EVI5: variants seen among roughly 807,000 people sequenced by gnomAD.
The protein encoded by EVI5 is ecotropic viral integration site 5, also known as ecotropic viral integration site 5 protein homolog.
Under a neutral mutation model 112.0 loss-of-function variants are expected in EVI5, and 73 were observed. The ratio of observed to expected loss-of-function variants is 0.65; its 90% confidence interval spans 0.54 to 0.79. EVI5 has a LOEUF of 0.79. Ranked by LOEUF, EVI5 falls within the 30% of genes least tolerant of loss-of-function variation. The pLI is 0.00. For missense variants in EVI5, 900 were observed against 968.8 expected (o/e 0.93, Z 0.94); for synonymous variants, 305 against 319.9 (o/e 0.95, Z 0.50).
chr1:92,660,255 T>C (rs941886851), intron 13 of EVI5, among the ~76,000 whole-genome samples: 2 of 152,006 alleles, frequency 1.3e-5, no homozygotes, highest in Non-Finnish European at 2.9e-5. Context: ...TTTTAAAAAA[T>C]GAAATTGTCA....
chr1:92,776,796 C>G lies in EVI5; in HGVS notation c.-82+8040G>C, dbSNP rs1343963814. ...GACTACAGGTGCACACCACCATAGCCAGCTAACTTTTTTTTTTTTTTTTTT... is the reference window on the plus strand; with the variant it reads ...GACTACAGGTGCACACCACCATAGCGAGCTAACTTTTTTTTTTTTTTTTTT... On this transcript the variant is annotated intron_variant, in intron 1 of 19. Transcript: ENST00000684568. Among the ~76,000 whole-genome samples the G allele has an allele frequency of 2.0e-5, 3 of 149,264 alleles. No homozygotes were observed. In the East Asian group the frequency reaches 5.8e-4, roughly 29 times the overall value.
chr1:92,589,587 G>C (rs191412569), intron 18 of EVI5, among the ~76,000 whole-genome samples: 129 of 152,284 alleles, frequency 8.5e-4, no homozygotes, highest in African/African-American at 2.9e-3. Flanking sequence ...TGCCACTGCC[G>C]AGGCTTGAGT....
intron 18 of EVI5, among the ~76,000 whole-genome samples, chr1:92,587,803 C>T (rs1673052530): frequency 6.6e-6 from 1 of 152,178 alleles, no homozygotes; most frequent in Non-Finnish European, 1.5e-5. Context: ...AAATGAAAAA[C>T]TTTCCATTAC....
chr1:92,592,861 C>G (rs1039529060), intron 18 of EVI5, among the ~76,000 whole-genome samples: 1 of 152,214 alleles, frequency 6.6e-6, no homozygotes, highest in Non-Finnish European at 1.5e-5. Flanking sequence ...CCTCCCAAGA[C>G]TAAACCAGGA....
chr1:92,613,802 G>A (rs761875564), intron 16 of EVI5, among the ~76,000 whole-genome samples: 3 of 151,942 alleles, frequency 2.0e-5, no homozygotes, highest in Non-Finnish European at 4.4e-5. Flanking sequence ...TGTTGCCCAG[G>A]CTAGTCTCAA....
At chr1:92,614,283 A>G (rs944063063) in intron 16 of EVI5, among the ~76,000 whole-genome samples, 1 of 152,222 alleles carries the variant, frequency 6.6e-6, no homozygotes, top group African/African-American at 2.4e-5. Context: ...CCAGCTTTCA[A>G]CAAAAAAATT....
At chr1:92,532,181 A>G (rs1301747362) in intron 19 of EVI5, among the ~76,000 whole-genome samples, 3 of 152,204 alleles carry the variant, frequency 2.0e-5, no homozygotes, top group Non-Finnish European at 4.4e-5. Flanking sequence ...AGATCAAGAG[A>G]CAAAGAAAGG....
At chr1:92,640,778 A>G (rs1659805872) in intron 13 of EVI5, among the ~76,000 whole-genome samples, 1 of 152,204 alleles carries the variant, frequency 6.6e-6, no homozygotes, top group Admixed American at 6.5e-5. Context: ...ACACATACAT[A>G]CATATGTTTA....
intron 19 of EVI5, among the ~76,000 whole-genome samples, chr1:92,519,943 A>T (rs1269442745): frequency 6.6e-6 from 1 of 151,824 alleles, no homozygotes. Flanking sequence ...GAAAGACACA[A>T]GAGACAATAT....
At chr1:92,591,995 G>A (rs909740846) in intron 18 of EVI5, among the ~76,000 whole-genome samples, 11 of 152,322 alleles carry the variant, frequency 7.2e-5, no homozygotes, top group African/African-American at 2.6e-4. Flanking sequence ...TGTAATCCCA[G>A]CACTTTGGGA....
chr1:92,624,187 T>C lies in EVI5; in HGVS notation c.1816A>G (p.Met606Val), dbSNP rs201600690. 7 of 1,613,526 alleles carry C rather than the reference T, an allele frequency of 4.3e-6. No individual in the cohort carries two copies. In the Admixed American group the frequency reaches 6.7e-5, roughly 15 times the overall value. Residue 606 changes from methionine to valine, a missense_variant, in exon 16 of 20, where the codon ATG becomes GTG. Transcript: ENST00000684568. Reference protein sequence around the residue: ...IREIKQRMMEMETQNQINSNH... With the variant: ...IREIKQRMMEVETQNQINSNH... The stretch of plus-strand genomic sequence containing the variant: ...CTTTCCCATCATACCTGTGTTTCCA[T>C]TTCCATCATCCTTTGTTTTATTTCT...
At chr1:92,742,757 T>C (rs527344231) in intron 1 of EVI5, among the ~76,000 whole-genome samples, 2 of 152,190 alleles carry the variant, frequency 1.3e-5, no homozygotes, top group African/African-American at 4.8e-5. Flanking sequence ...TTTTGATGGC[T>C]ATTATCAAAA....
rs534682427 is a variant in EVI5 at position 92,509,780 on chromosome 1, G to C, written c.*3876C>G. ...CTCTACTCTCAGCTTGTCAACCCAG[G>C]ATGGCAATGACACCAGGAAGGTAAC... On this transcript the variant is annotated 3_prime_UTR_variant, in exon 20 of 20. Coordinates refer to ENST00000684568, the MANE Select transcript of EVI5 (RefSeq NM_001350197.2). 2.0e-5 allele frequency: 3 copies of C among 152,222 alleles called. No homozygotes were observed. In the East Asian group the frequency reaches 5.8e-4, roughly 29 times the overall value. 9.4% of individuals were successfully genotyped at this position (152,222 alleles called of 1,614,324 possible). A position where few individuals can be genotyped will look rare whatever the true frequency, so the allele number is the denominator to read the frequency against.
At chr1:92,636,509 A>T (rs1234824690) in intron 13 of EVI5, among the ~76,000 whole-genome samples, 173 bp from the exon 14 acceptor site, 2 of 152,232 alleles carry the variant, frequency 1.3e-5, no homozygotes, top group African/African-American at 2.4e-5. Context: ...TCCAATGAGT[A>T]AAAAAGCCCA....
chr1:92,684,231 G>C (rs1179298448), intron 9 of EVI5, among the ~76,000 whole-genome samples: 1 of 152,146 alleles, frequency 6.6e-6, no homozygotes, highest in Non-Finnish European at 1.5e-5. Context: ...AGCCAGAAGA[G>C]ATTGGGGGCC....
intron 2 of EVI5, among the ~76,000 whole-genome samples, chr1:92,709,852 A>G (rs1403457504): frequency 6.6e-6 from 1 of 152,098 alleles, no homozygotes; most frequent in Non-Finnish European, 1.5e-5. Context: ...AAGGCTTTTA[A>G]ACAGGTTTCC....
intron 19 of EVI5, among the ~76,000 whole-genome samples, chr1:92,563,029 G>A (rs1032997717): frequency 5.9e-5 from 9 of 151,934 alleles, no homozygotes; most frequent in Admixed American, 1.3e-4. Context: ...AATTGACCTC[G>A]AGCCACATTA....
At chr1:92,614,564 A>C (rs1001341834) in intron 16 of EVI5, among the ~76,000 whole-genome samples, 2 of 152,016 alleles carry the variant, frequency 1.3e-5, no homozygotes. Flanking sequence ...GCCAGCGAAT[A>C]TAAAGCAGGC....
intron 14 of EVI5, among the ~76,000 whole-genome samples, chr1:92,630,430 AT>A (rs1656754771): frequency 6.6e-6 from 1 of 152,088 alleles, no homozygotes; most frequent in African/African-American, 2.4e-5. Context: ...GATGATGAGC[AT>A]TTTTTCATGT....
Sources: gnomAD v4.1 joint callset for allele counts (sites outside exome capture counted in the v4.1 genomes callset) on GRCh38, gnomAD v4.1.1 for gene constraint, MANE v1.5 for transcripts, NCBI Gene and HGNC (gene_info 2026-07-23, HGNC 2026-07-21) for gene names.